DLGAP2: variants seen among roughly 807,000 people sequenced by gnomAD.
DLGAP2 encodes disks large-associated protein 2.
A neutral mutation model predicts 100.3 loss-of-function variants in DLGAP2; 26 were observed. That is an observed-to-expected ratio of 0.26 (90% confidence interval 0.19 to 0.36). The LOEUF (loss-of-function observed/expected upper bound fraction) is 0.36, where lower values mean the gene tolerates loss of function less well. Among genes scored for constraint, DLGAP2 ranks in the 10% least tolerant of loss-of-function variants. The probability of loss-of-function intolerance (pLI) is 1.00; values close to 1 mark genes in which losing one functional copy is unlikely to be tolerated. For missense variants in DLGAP2, 1,858 were observed against 1,453.2 expected (o/e 1.28, Z -4.53); for synonymous variants, 886 against 630.1 (o/e 1.41, Z -6.08).
intron 10 of DLGAP2, among the ~76,000 whole-genome samples, chr8:1,671,829 G>A (rs1798698207): frequency 6.6e-6 from 1 of 152,328 alleles, no homozygotes; most frequent in South Asian, 2.1e-4. Flanking sequence ...CTCCAGATTT[G>A]CAGGCCAGAT....
At chr8:1,600,523 A>G (rs768465023) in intron 6 of DLGAP2, among the ~76,000 whole-genome samples, 14 of 151,972 alleles carry the variant, frequency 9.2e-5, no homozygotes, top group African/African-American at 3.4e-4. Flanking sequence ...CTAATGTAGG[A>G]TTGGTCTTTT....
intron 2 of DLGAP2, among the ~76,000 whole-genome samples, chr8:955,366 C>T (rs758170023): frequency 9.2e-5 from 14 of 152,136 alleles, no homozygotes; most frequent in Non-Finnish European, 1.9e-4. Flanking sequence ...GAAGCAGGTG[C>T]GTCGCTCTGT....
intron 1 of DLGAP2, among the ~76,000 whole-genome samples, chr8:791,653 T>G (rs1283474352): frequency 1.3e-5 from 2 of 152,230 alleles, no homozygotes. Context: ...TGCCAAATCT[T>G]TGTTTTGATA....
intron 3 of DLGAP2, among the ~76,000 whole-genome samples, chr8:1,308,784 C>G (rs1800548995): frequency 6.6e-6 from 1 of 152,212 alleles, no homozygotes; most frequent in African/African-American, 2.4e-5. Flanking sequence ...CTCAGCCTCC[C>G]CAAGTGCTGG....
At chr8:1,416,749 G>C (rs950167720) in intron 3 of DLGAP2, among the ~76,000 whole-genome samples, 4 of 152,306 alleles carry the variant, frequency 2.6e-5, no homozygotes, top group South Asian at 4.1e-4. Context: ...GGAATCGGAC[G>C]TGTTGGCTGC....
intron 2 of DLGAP2, among the ~76,000 whole-genome samples, chr8:1,239,962 C>G (rs1247624416): frequency 2.0e-3 from 295 of 146,928 alleles, no homozygotes; most frequent in African/African-American, 7.2e-3. Context: ...GTCTAGTTCT[C>G]TCTCACACAT....
rs568223681 is a variant in DLGAP2, at chr8:1,346,325, C to T, written c.106+87442C>T. Among the ~76,000 whole-genome samples, 1,028 of 103,034 alleles carry T rather than the reference C, an allele frequency of 1.0e-2. 3 individuals are homozygous for T. The highest frequency in any genetic ancestry group is 0.015 in the Non-Finnish European group (770 of 50,790). 67.6% of individuals were successfully genotyped at this position (103,034 alleles called of 152,430 possible). A position where few individuals can be genotyped will look rare whatever the true frequency, so the allele number is the denominator to read the frequency against. ...TCTCATGGTAGCTGTGTGGAGGTTG[C>T]GTTCCCATACACATCTGCATTGCTC... is the stretch of plus-strand genomic sequence containing the variant. On this transcript the variant is annotated intron_variant, in intron 3 of 14. Coordinates refer to ENST00000637795, the MANE Select transcript of DLGAP2 (RefSeq NM_001346810.2).
intron 2 of DLGAP2, among the ~76,000 whole-genome samples, chr8:1,202,608 C>T (rs763829609): frequency 7.9e-5 from 12 of 152,276 alleles, no homozygotes; most frequent in South Asian, 2.1e-4. Flanking sequence ...GGCCGTAACA[C>T]GGGACAGTCA....
intron 2 of DLGAP2, chr8:1,137,719 C>G (rs1415307991): frequency 6.6e-6 from 1 of 152,202 alleles, no homozygotes; most frequent in African/African-American, 2.4e-5. Context: ...ATAAACTTCC[C>G]TAATCAAATA....
intron 1 of DLGAP2, among the ~76,000 whole-genome samples, chr8:831,869 C>G (rs983485093): frequency 7.1e-5 from 10 of 139,962 alleles, no homozygotes; most frequent in African/African-American, 2.9e-4. Flanking sequence ...CAGCCTCGCC[C>G]ACATCTGTTG....
Position 1,701,703 on chromosome 8 carries a change from GGC to G in DLGAP2, c.*299_*300del. ...TTTCTCCTGCGTGTTCTCAGAGGAC[GGC>G]GAGAAATGCCTCTGGAGCTGGAACC... On this transcript the variant is annotated 3_prime_UTR_variant, in exon 15 of 15. Transcript: ENST00000637795. 4.7e-6 allele frequency: 2 copies of G among 422,584 alleles called. No individual in the cohort carries two copies. Among genetic ancestry groups the G allele is most frequent in the Non-Finnish European group, 8.3e-6 (2 of 240,914 alleles). The allele number at this position is 422,584 out of a possible 1,614,324, so 26.2% of individuals were successfully genotyped here.
At chr8:1,212,876 C>G (rs1798135287) in intron 2 of DLGAP2, among the ~76,000 whole-genome samples, 1 of 150,450 alleles carries the variant, frequency 6.6e-6, no homozygotes. Context: ...CATCACATAT[C>G]TCTTAGTTTA....
At chr8:1,665,990 G>T (rs561241263) in intron 8 of DLGAP2, among the ~76,000 whole-genome samples, 12 of 152,196 alleles carry the variant, frequency 7.9e-5, no homozygotes, top group Non-Finnish European at 1.5e-4. Flanking sequence ...TGCCAGGAAA[G>T]GCGTCATCAG....
chr8:980,596 A>G (rs1255454001), intron 2 of DLGAP2, among the ~76,000 whole-genome samples: 1 of 152,148 alleles, frequency 6.6e-6, no homozygotes, highest in Non-Finnish European at 1.5e-5. Flanking sequence ...TGTGCTGTCC[A>G]TGGCGCTGAA....
intron 3 of DLGAP2, among the ~76,000 whole-genome samples, chr8:1,374,085 G>A (rs1384950239): frequency 1.3e-5 from 2 of 151,812 alleles, no homozygotes; most frequent in Non-Finnish European, 2.9e-5. Flanking sequence ...TGTGGTGGAG[G>A]TTAGGTTAGG....
chr8:901,099 G>A (rs191392651), intron 1 of DLGAP2, among the ~76,000 whole-genome samples: 2 of 152,182 alleles, frequency 1.3e-5, no homozygotes, highest in Admixed American at 1.3e-4. Flanking sequence ...GTGACCAGCC[G>A]GTAAAGACCC....
At chr8:1,358,611 G>A (rs62487410) in intron 3 of DLGAP2, among the ~76,000 whole-genome samples, 14,456 of 152,220 alleles carry the variant, frequency 0.095, 1,070 homozygotes, top group East Asian at 0.35. Flanking sequence ...TGAAAGCAGC[G>A]TTTGGACGGC....
intron 6 of DLGAP2, among the ~76,000 whole-genome samples, chr8:1,569,534 AT>A: frequency 6.6e-6 from 1 of 152,272 alleles, no homozygotes; most frequent in African/African-American, 2.4e-5. Flanking sequence ...GTATCAACAC[AT>A]TTTTGCTGTT....
intron 3 of DLGAP2, among the ~76,000 whole-genome samples, chr8:1,426,635 TA>T (rs1263485821): frequency 2.3e-4 from 35 of 152,286 alleles, no homozygotes; most frequent in African/African-American, 7.0e-4. Flanking sequence ...CATGCATGAC[TA>T]AGAGAAACTC....
Sources: allele counts gnomAD v4.1 joint callset (sites outside exome capture counted in the v4.1 genomes callset), GRCh38; gene constraint gnomAD v4.1.1; transcripts MANE v1.5; gene names NCBI Gene and HGNC (gene_info 2026-07-23, HGNC 2026-07-21).